The following ZPBP variants were observed in gnomAD, a reference collection of about 807,000 sequenced individuals.
The protein encoded by ZPBP is zona pellucida-binding protein 1.
In ZPBP, 26 loss-of-function variants were observed where a neutral mutation model predicts 44.8. That is an observed-to-expected ratio of 0.58 (90% confidence interval 0.43 to 0.81). ZPBP has a LOEUF of 0.81. Among genes scored for constraint, ZPBP ranks in the 30% least tolerant of loss-of-function variants. The probability of loss-of-function intolerance (pLI) is 0.00; values close to 1 mark genes in which losing one functional copy is unlikely to be tolerated. For synonymous variants in ZPBP, 174 were observed against 153.2 expected (o/e 1.14, Z -1.00); for missense variants, 409 against 434.0 (o/e 0.94, Z 0.51).
At chr7:49,845,748 A>C (rs1789926975), downstream of ZPBP, among the ~76,000 whole-genome samples, 1 of 152,248 alleles carries the variant, frequency 6.6e-6, no homozygotes, top group African/African-American at 2.4e-5. Flanking sequence ...CCCAGTACAA[A>C]ACAGACATCA....
intron 6 of ZPBP, among the ~76,000 whole-genome samples, chr7:50,015,855 CA>C (rs1460628811): frequency 6.6e-6 from 1 of 151,990 alleles, no homozygotes; most frequent in African/African-American, 2.4e-5. Flanking sequence ...ATCAAAACCG[CA>C]ATGAGATAGC....
At chr7:49,944,629 T>C (rs1329882494) in intron 7 of ZPBP, among the ~76,000 whole-genome samples, 3 of 152,180 alleles carry the variant, frequency 2.0e-5, no homozygotes, top group African/African-American at 7.2e-5. Context: ...TCTGGGAATG[T>C]CTTCTAGGTT....
At chr7:50,050,178 A>C (rs568075961) in intron 4 of ZPBP, among the ~76,000 whole-genome samples, 18 of 152,218 alleles carry the variant, frequency 1.2e-4, no homozygotes, top group Admixed American at 1.1e-3. Flanking sequence ...ATTCTTCCCC[A>C]AATTAATCTA....
At chr7:49,852,098 G>A (rs1471467566) in intron 2 of ZPBP, among the ~76,000 whole-genome samples, 1 of 152,226 alleles carries the variant, frequency 6.6e-6, no homozygotes, top group Non-Finnish European at 1.5e-5. Context: ...GAGGCCAGCA[G>A]GCACCAGTAC....
chr7:49,873,282 A>T (rs940222254), intron 2 of ZPBP, among the ~76,000 whole-genome samples: 1 of 152,202 alleles, frequency 6.6e-6, no homozygotes, highest in Non-Finnish European at 1.5e-5. Context: ...AGGCCTGCAG[A>T]TTCAGTGCCT....
intron 7 of ZPBP, among the ~76,000 whole-genome samples, chr7:49,964,375 T>C (rs1328074710): frequency 6.6e-6 from 1 of 152,030 alleles, no homozygotes. Context: ...TATGATTATT[T>C]ATGTATCAAA....
At chr7:50,068,430 GTT>G (rs113489056) in intron 3 of ZPBP, among the ~76,000 whole-genome samples, 3 of 139,830 alleles carry the variant, frequency 2.1e-5, no homozygotes, top group Non-Finnish European at 4.7e-5. Context: ...CTTGGCCAGT[GTT>G]TTTTTTTTTT....
chr7:49,884,133 G>A (rs750921909), intron 2 of ZPBP, among the ~76,000 whole-genome samples: 1 of 152,222 alleles, frequency 6.6e-6, no homozygotes, highest in Non-Finnish European at 1.5e-5. Context: ...TTCCTGCAGT[G>A]GCCCCTGAAG....
chr7:50,001,059 T>A (rs1721919926), intron 6 of ZPBP, among the ~76,000 whole-genome samples: 1 of 152,162 alleles, frequency 6.6e-6, no homozygotes. Flanking sequence ...GACAGGCCCT[T>A]GGCAGAAACC....
At chr7:49,866,046 G>A (rs1790870700) in intron 2 of ZPBP, among the ~76,000 whole-genome samples, 2 of 152,070 alleles carry the variant, frequency 1.3e-5, no homozygotes, top group African/African-American at 4.8e-5. Context: ...TCCTTCCTTT[G>A]AGAATCTTTT....
At chr7:50,076,315 C>G (rs1004489943) in intron 3 of ZPBP, among the ~76,000 whole-genome samples, 1 of 151,960 alleles carries the variant, frequency 6.6e-6, no homozygotes, top group African/African-American at 2.4e-5. Context: ...CAGTATCATA[C>G]TGAATGGAGA....
rs761391635 is a variant in ZPBP at position 50,031,145 on chromosome 7, C to T, written c.653G>A (p.Arg218His). 3.3e-5 allele frequency: 53 copies of T among 1,613,680 alleles called. No homozygotes were observed. In the Middle Eastern group the frequency reaches 1.2e-3, roughly 35 times the overall value. Residue 218 changes from arginine to histidine, a missense_variant, in exon 5 of 8, where the codon CGC becomes CAC. Transcript: ENST00000046087. The stretch of plus-strand genomic sequence containing the variant: ...CAAACCAGCTCTTTGCATTTTAACG[C>T]GATGGCATTCAGACTTAAGTAAGGA... ...EISLLKSECH[R>H]VKMQRAGLQN...
intron 7 of ZPBP, among the ~76,000 whole-genome samples, chr7:49,982,144 A>T (rs1280845404): frequency 3.6e-4 from 37 of 102,864 alleles, no homozygotes; most frequent in African/African-American, 1.4e-3. Flanking sequence ...TATTTATATA[A>T]AATATATAAT....
chr7:49,999,938 TG>T (rs202220177), intron 6 of ZPBP, among the ~76,000 whole-genome samples: 1,865 of 152,246 alleles, frequency 0.012, 20 homozygotes, highest in Non-Finnish European at 0.018. Context: ...CGCCAAATTT[TG>T]AAGCAAAAAT....
chr7:49,967,349 G>A (rs181508128), intron 7 of ZPBP, among the ~76,000 whole-genome samples: 311 of 152,148 alleles, frequency 2.0e-3, no homozygotes, highest in Admixed American at 5.8e-3. Context: ...TTGGAAGCAG[G>A]TACCTTGTTT....
chr7:49,888,397 GTATAGAGC>G (rs1214476030), intron 2 of ZPBP, among the ~76,000 whole-genome samples: 1 of 152,106 alleles, frequency 6.6e-6, no homozygotes, highest in Admixed American at 6.5e-5. Context: ...TTTAGGTATG[GTATAGAGC>G]TACAAAACTG....
chr7:50,079,513 C>A (rs1425760499), intron 3 of ZPBP, among the ~76,000 whole-genome samples: 1 of 151,432 alleles, frequency 6.6e-6, no homozygotes, highest in Non-Finnish European at 1.5e-5. Flanking sequence ...CACACTCCAC[C>A]CTACCACAAA....
At chr7:50,008,393 A>G (rs180673289) in intron 6 of ZPBP, among the ~76,000 whole-genome samples, 2 of 152,260 alleles carry the variant, frequency 1.3e-5, no homozygotes, top group East Asian at 1.9e-4. Context: ...CAAATAAAGG[A>G]AAAGACATCA....
At chr7:49,909,979 T>G (rs569345256) in intron 1 of ZPBP, among the ~76,000 whole-genome samples, 22 of 151,830 alleles carry the variant, frequency 1.4e-4, no homozygotes, top group African/African-American at 5.1e-4. Flanking sequence ...TGTGGTGGTG[T>G]GCTCCTCTGA....
Sources: gnomAD v4.1 joint callset for allele counts (sites outside exome capture counted in the v4.1 genomes callset) on GRCh38, gnomAD v4.1.1 for gene constraint, MANE v1.5 for transcripts, NCBI Gene and HGNC (gene_info 2026-07-23, HGNC 2026-07-21) for gene names.